ITSN2: variants seen among roughly 807,000 people sequenced by gnomAD.
ITSN2 encodes intersectin-2.
ITSN2 carries 156 observed loss-of-function variants against 243.7 expected under a neutral mutation model. The ratio of observed to expected loss-of-function variants is 0.64; its 90% CI spans 0.56 to 0.73. The LOEUF (loss-of-function observed/expected upper bound fraction) is 0.73, where lower values mean the gene tolerates loss of function less well. Ranked by LOEUF, ITSN2 falls within the 30% of genes least tolerant of loss-of-function variation. The pLI, the probability that ITSN2 is intolerant of heterozygous loss-of-function variation, is 0.00. For missense variants in ITSN2, 1,801 were observed against 1,996.1 expected, an observed-to-expected ratio of 0.90 and a Z score of 1.86; for synonymous variants, 703 against 699.9, an observed-to-expected ratio of 1.00 and a Z score of -0.07.
chr2:24,270,669 A>T lies in ITSN2; in HGVS notation c.2355+2T>A. On this transcript the variant is annotated splice_donor_variant, in intron 20 of 39. Coordinates refer to ENST00000355123, the MANE Select transcript of ITSN2 (RefSeq NM_006277.3). LOFTEE classifies it high-confidence loss of function. ...TGATTAAAAAAAAAATTCATTTCCTACCTGAATTATATCTCCAGAATTAAA... is the reference window on the plus strand; with the variant it reads ...TGATTAAAAAAAAAATTCATTTCCTTCCTGAATTATATCTCCAGAATTAAA... 1 of 1,491,408 alleles carries T rather than the reference A, an allele frequency of 6.7e-7. No individual in the cohort carries two copies. The highest frequency in any genetic ancestry group is 9.3e-7 in the Non-Finnish European group (1 of 1,075,726). The allele number at this position is 1,491,408 out of a possible 1,614,324, so 92.4% of individuals were successfully genotyped here.
chr2:24,244,842 TTTC>T (rs1433225412), intron 29 of ITSN2, among the ~76,000 whole-genome samples: 2 of 152,174 alleles, frequency 1.3e-5, no homozygotes, highest in African/African-American at 2.4e-5. Context: ...AAAGGGAAGG[TTTC>T]TCCCAGGGTC....
At chr2:24,213,296 T>C (rs1018589476) in intron 32 of ITSN2, among the ~76,000 whole-genome samples, 1 of 152,206 alleles carries the variant, frequency 6.6e-6, no homozygotes, top group Non-Finnish European at 1.5e-5. Flanking sequence ...AGGCATCGTG[T>C]TGCAGTGTCT....
At chr2:24,217,636 T>G (rs1670091676) in intron 31 of ITSN2, among the ~76,000 whole-genome samples, 1 of 152,240 alleles carries the variant, frequency 6.6e-6, no homozygotes, top group Admixed American at 6.5e-5. Flanking sequence ...GTCAAGGACA[T>G]CTTATATCTT....
intron 29 of ITSN2, among the ~76,000 whole-genome samples, chr2:24,244,011 G>T (rs1001003874): frequency 6.6e-6 from 1 of 152,150 alleles, no homozygotes; most frequent in Non-Finnish European, 1.5e-5. Context: ...TTTAGATTGG[G>T]TATCTCTCTC....
chr2:24,318,043 T>A (rs1054103566), intron 2 of ITSN2, among the ~76,000 whole-genome samples: 1 of 152,210 alleles, frequency 6.6e-6, no homozygotes, highest in Non-Finnish European at 1.5e-5. Context: ...CACTGACACA[T>A]AGTCCCTCCC....
rs907875946 is a variant in ITSN2 at position 24,211,421 on chromosome 2, C to T, written c.4090-474G>A. On this transcript the variant is annotated intron_variant, in intron 33 of 39. Coordinates refer to ENST00000355123, the MANE Select transcript of ITSN2 (RefSeq NM_006277.3). This position sits in a 1 kb window ranked among gnomAD's most constrained non-coding sequence, Gnocchi z 4.1. ...TGACTCCCATGCCACAGGAAAAATACAATAAAATCACATTGTCAGCATGTG... is the reference window on the plus strand; with the variant it reads ...TGACTCCCATGCCACAGGAAAAATATAATAAAATCACATTGTCAGCATGTG... Among the ~76,000 whole-genome samples the T allele has an allele frequency of 2.0e-5, 3 of 152,196 alleles. No homozygotes were observed. Among genetic ancestry groups the T allele is most frequent in the African/African-American group, 7.2e-5 (3 of 41,458 alleles).
Position 24,271,844 on chromosome 2 carries a change from TTTC to T in ITSN2, c.2176_2178del (p.Glu726del), listed in dbSNP as rs755030409. 3 of 1,610,932 alleles carry T rather than the reference TTTC, an allele frequency of 1.9e-6. No individual in the cohort carries two copies. The South Asian group carries it at 3.3e-5, about 18-fold the overall frequency. On this transcript the variant is annotated inframe_deletion, in exon 19 of 40. Transcript: ENST00000355123. The stretch of plus-strand genomic sequence containing the variant: ...GCTTTCCGTTCCTCTTCTTGAATTT[TTTC>T]TTGTGTTTTTTCTTCCTGGAGTCGC...
chr2:24,338,066 G>A (rs143803331), intron 1 of ITSN2, among the ~76,000 whole-genome samples: 34 of 152,162 alleles, frequency 2.2e-4, no homozygotes, highest in African/African-American at 7.5e-4. Flanking sequence ...TGGGAAGTGG[G>A]GTTCAGACAT....
chr2:24,275,616 C>A, intron 18 of ITSN2, 97 bp downstream of exon 18: 2 of 931,352 alleles, frequency 2.1e-6, no homozygotes, highest in Non-Finnish European at 3.2e-6. Context: ...TAGGATAATC[C>A]CTTTATTTTC....
chr2:24,247,070 C>A (rs1025497918), intron 27 of ITSN2, among the ~76,000 whole-genome samples, 177 bp from the exon 28 acceptor site: 1 of 152,188 alleles, frequency 6.6e-6, no homozygotes, highest in East Asian at 1.9e-4. Context: ...CTTGGACTAT[C>A]CTGACTGGTC....
At chr2:24,297,874 T>G (rs1681181257) in intron 13 of ITSN2, among the ~76,000 whole-genome samples, 1 of 152,156 alleles carries the variant, frequency 6.6e-6, no homozygotes, top group South Asian at 2.1e-4. Flanking sequence ...GCATTTTGAG[T>G]CATTATCCTT....
At chr2:24,228,323 T>C (rs1671242411) in intron 29 of ITSN2, among the ~76,000 whole-genome samples, 1 of 151,858 alleles carries the variant, frequency 6.6e-6, no homozygotes, top group Admixed American at 6.6e-5. Context: ...CTAATAGACA[T>C]GACTGGAAAA....
At chr2:24,291,973 C>T (rs1236931651) in intron 15 of ITSN2, among the ~76,000 whole-genome samples, 1 of 152,152 alleles carries the variant, frequency 6.6e-6, no homozygotes. Context: ...TCCTGGGTAA[C>T]TACTTAATCT....
intron 3 of ITSN2, among the ~76,000 whole-genome samples, chr2:24,314,621 A>C (rs758636716): frequency 1.3e-5 from 2 of 152,238 alleles, no homozygotes; most frequent in Non-Finnish European, 2.9e-5. Flanking sequence ...TATGTAAAGC[A>C]CTAAGCTACT....
intron 7 of ITSN2, among the ~76,000 whole-genome samples, 186 bp downstream of exon 7, chr2:24,310,098 A>G (rs1216293116): frequency 6.6e-6 from 1 of 152,190 alleles, no homozygotes; most frequent in Non-Finnish European, 1.5e-5. Context: ...TGCCACAGAC[A>G]CTTAATAATT....
intron 9 of ITSN2, among the ~76,000 whole-genome samples, chr2:24,303,504 A>C (rs1404318491): frequency 6.6e-6 from 1 of 152,238 alleles, no homozygotes; most frequent in Non-Finnish European, 1.5e-5. Flanking sequence ...AAGAGTCAAA[A>C]AGTTTTAAAA....
intron 1 of ITSN2, among the ~76,000 whole-genome samples, chr2:24,328,908 A>G (rs892129814): frequency 5.3e-5 from 8 of 152,226 alleles, no homozygotes; most frequent in African/African-American, 1.7e-4. Context: ...CATATATAAC[A>G]TAACTAAATG....
At chr2:24,327,626 A>C (rs570597681) in intron 2 of ITSN2, among the ~76,000 whole-genome samples, 6 of 152,268 alleles carry the variant, frequency 3.9e-5, no homozygotes, top group Admixed American at 3.9e-4. Flanking sequence ...GTTTGATATT[A>C]AACAATTATG....
At chr2:24,346,029 C>A (rs180752725) in intron 1 of ITSN2, among the ~76,000 whole-genome samples, 8 of 152,098 alleles carry the variant, frequency 5.3e-5, no homozygotes, top group African/African-American at 1.9e-4. Flanking sequence ...AAATTGTTTG[C>A]GCTACCCTTC....
Sources: gnomAD v4.1 joint callset for allele counts (sites outside exome capture counted in the v4.1 genomes callset) on GRCh38, gnomAD v4.1.1 for gene constraint, Gnocchi (gnomAD v3.1) non-coding constraint, MANE v1.5 for transcripts, NCBI Gene and HGNC (gene_info 2026-07-23, HGNC 2026-07-21) for gene names.